The following ANK3 variants were observed in gnomAD, a reference collection of about 807,000 sequenced individuals.
ANK3 encodes ankyrin-3.
In ANK3, 57 loss-of-function variants were observed where a neutral mutation model predicts 370.9. The observed-to-expected ratio is 0.15, with a 90% confidence interval of 0.12 to 0.19. ANK3 has a LOEUF of 0.19. Ranked by LOEUF, ANK3 falls within the 10% of genes least tolerant of loss-of-function variation. The pLI is 1.00. For synonymous variants in ANK3, 1,929 were observed against 1,946.3 expected (o/e 0.99, Z 0.23); for missense variants, 4,439 against 5,302.1 (o/e 0.84, Z 5.06).
At chr10:60,451,897 A>G (rs1008701103) in intron 2 of ANK3, among the ~76,000 whole-genome samples, 3 of 152,164 alleles carry the variant, frequency 2.0e-5, no homozygotes, top group African/African-American at 7.2e-5. Context: ...AAGGGTTTCC[A>G]CTGTCTTCAA....
At position 60,389,525 on chromosome 10, in the gene ANK3, G is replaced by T; in HGVS notation, c.14C>A (p.Ala5Asp). Residue 5 changes from alanine (A) to aspartate (D), a missense_variant, in exon 1 of 44, where the codon GCC becomes GAC. Around this residue, in one of 13 missense-constraint regions of ANK3, gnomAD observed 54 missense variants for 52.7 expected, o/e 1.02. Coordinates refer to ENST00000280772, the MANE Select transcript of ANK3 (RefSeq NM_020987.5). ...ATCCCTGTTTTTCTTTAATTGTGAGGCTGCATGAGCCATAATGCATTTAAA... is the reference window on the plus strand; with the variant it reads ...ATCCCTGTTTTTCTTTAATTGTGAGTCTGCATGAGCCATAATGCATTTAAA... MAHAASQLKKNRDLE... is the reference protein window; with the variant it reads MAHADSQLKKNRDLE... The T allele has an allele frequency of 6.2e-7, 1 of 1,613,656 alleles. No individual in the cohort carries two copies. Among genetic ancestry groups the T allele is most frequent in the South Asian group, 1.1e-5 (1 of 91,036 alleles).
chr10:60,326,420 T>C (rs2049884313), intron 1 of ANK3, among the ~76,000 whole-genome samples: 1 of 152,314 alleles, frequency 6.6e-6, no homozygotes, highest in East Asian at 1.9e-4. Context: ...CAATTTTCAG[T>C]GAGAGCCCGT....
chr10:60,290,893 A>G (rs1235559445), intron 1 of ANK3, among the ~76,000 whole-genome samples: 1 of 152,184 alleles, frequency 6.6e-6, no homozygotes, highest in Non-Finnish European at 1.5e-5. Flanking sequence ...TTGTTTTTGT[A>G]AAGGCAGTGT....
At chr10:60,323,325 G>A (rs1248039565) in intron 1 of ANK3, among the ~76,000 whole-genome samples, 1 of 152,156 alleles carries the variant, frequency 6.6e-6, no homozygotes, top group Admixed American at 6.6e-5. Flanking sequence ...AGCAGCTTAT[G>A]GAGGGAGTTA....
rs1359327501 is a variant in ANK3 at position 60,082,500 on chromosome 10, T to C, written c.4323+115A>G. On this transcript the variant is annotated intron_variant, in intron 34 of 43. Coordinates refer to ENST00000280772, the MANE Select transcript of ANK3 (RefSeq NM_020987.5). ...TAGGCAATCTACACGAGGAGACTAA[T>C]ACAACTTCAGTTTCAAGAGCTTTAT... The C allele has an allele frequency of 4.3e-6, 6 of 1,404,568 alleles. No individual in the cohort carries two copies. The East Asian group carries it at 9.2e-5, about 22-fold the overall frequency. The allele number at this position is 1,404,568 out of a possible 1,614,324, so 87.0% of individuals were successfully genotyped here.
intron 2 of ANK3, among the ~76,000 whole-genome samples, chr10:60,517,018 C>T (rs2133173856): frequency 6.6e-6 from 1 of 152,168 alleles, no homozygotes; most frequent in Non-Finnish European, 1.5e-5. Flanking sequence ...CTCAATTTAT[C>T]ATCTCTGGGT....
chr10:60,034,006 T>TCCTGTAATCAAGTTTCAG (rs145923215), intron 43 of ANK3, among the ~76,000 whole-genome samples: 1 of 152,276 alleles, frequency 6.6e-6, no homozygotes, highest in African/African-American at 2.4e-5. Context: ...TTCTCAAAGT[T>TCCTGTAATCAAGTTTCAG]TAATCTGCAT....
rs1421251798 is a variant in ANK3, at chr10:60,054,150, G to A, written c.13065+1508C>T. ...CACACAGCGGTGTTTATATGTGTTT[G>A]TATAGAAATTTGCCTTTAGAACTTT... On this transcript the variant is annotated intron_variant, in intron 42 of 43. Coordinates refer to ENST00000280772, the MANE Select transcript of ANK3 (RefSeq NM_020987.5). Among the ~76,000 whole-genome samples, 3 of 152,176 alleles carry A rather than the reference G, an allele frequency of 2.0e-5. No individual in the cohort carries two copies. The East Asian group carries it at 5.8e-4, about 29-fold the overall frequency.
intron 23 of ANK3, among the ~76,000 whole-genome samples, chr10:60,142,282 G>A (rs1000887896): frequency 1.1e-4 from 17 of 152,026 alleles, no homozygotes; most frequent in African/African-American, 4.1e-4. Flanking sequence ...AAACTTTATC[G>A]TTTTTTCCTG....
intron 29 of ANK3, 34 bp from the exon 30 acceptor site, chr10:60,086,918 ACT>A: frequency 8.0e-7 from 1 of 1,244,426 alleles, no homozygotes; most frequent in East Asian, 3.2e-5. Context: ...AATGAAAGTG[ACT>A]TTTTTTTTTT....
intron 16 of ANK3, among the ~76,000 whole-genome samples, chr10:60,193,556 G>A (rs2096532514): frequency 6.6e-6 from 1 of 151,854 alleles, no homozygotes; most frequent in African/African-American, 2.4e-5. Context: ...TTGGGAGGCT[G>A]AGGCAGGAGA....
intron 1 of ANK3, among the ~76,000 whole-genome samples, chr10:60,320,258 G>C (rs182556942): frequency 3.3e-5 from 5 of 152,294 alleles, no homozygotes; most frequent in Admixed American, 2.0e-4. Context: ...CTGGATAAAG[G>C]AGGGAGCTCA....
chr10:60,160,897 A>G (rs10994229), intron 23 of ANK3, among the ~76,000 whole-genome samples: 5,930 of 152,266 alleles, frequency 0.039, 330 homozygotes, highest in African/African-American at 0.12. Context: ...CCTCAATACA[A>G]TAAAAGCTGT....
chr10:60,243,669 TA>T (rs1251053825), intron 7 of ANK3, among the ~76,000 whole-genome samples: 1 of 152,258 alleles, frequency 6.6e-6, no homozygotes, highest in Non-Finnish European at 1.5e-5. Context: ...TGGCATTTAG[TA>T]AACATTATAA....
intron 2 of ANK3, among the ~76,000 whole-genome samples, chr10:60,413,905 G>A (rs1349123571): frequency 6.6e-6 from 1 of 152,148 alleles, no homozygotes; most frequent in Non-Finnish European, 1.5e-5. Context: ...GCTAAAGTGA[G>A]AGGATCACTT....
intron 1 of ANK3, among the ~76,000 whole-genome samples, chr10:60,357,526 C>T (rs2057948614): frequency 6.6e-6 from 1 of 151,806 alleles, no homozygotes; most frequent in East Asian, 1.9e-4. Flanking sequence ...TTCAGCCATA[C>T]CTTCAATATG....
At chr10:60,720,258 C>G (rs2079844915) in intron 1 of ANK3, among the ~76,000 whole-genome samples, 1 of 152,184 alleles carries the variant, frequency 6.6e-6, no homozygotes, top group South Asian at 2.1e-4. Context: ...GTGCGAGACA[C>G]TGTTCTAAGT....
intron 2 of ANK3, among the ~76,000 whole-genome samples, chr10:60,433,369 T>A (rs915503907): frequency 6.6e-6 from 1 of 152,138 alleles, no homozygotes; most frequent in African/African-American, 2.4e-5. Context: ...AACATTTTAT[T>A]CATGTACCCA....
chr10:60,088,994 T>G (rs1465873507), intron 28 of ANK3, among the ~76,000 whole-genome samples: 1 of 152,022 alleles, frequency 6.6e-6, no homozygotes, highest in Non-Finnish European at 1.5e-5. Context: ...AAAGTAGAAA[T>G]GAGTTAGGAA....
Sources: allele counts gnomAD v4.1 joint callset (sites outside exome capture counted in the v4.1 genomes callset), GRCh38; gene constraint gnomAD v4.1.1; regional missense constraint gnomAD v4.1.1; transcripts MANE v1.5; gene names NCBI Gene and HGNC (gene_info 2026-07-23, HGNC 2026-07-21).